The following ADCY2 variants were observed in gnomAD, a reference collection of about 807,000 sequenced individuals.
The protein encoded by ADCY2 is adenylate cyclase type 2.
In ADCY2, 31 loss-of-function variants were observed where a neutral mutation model predicts 125.2. That is an observed-to-expected ratio of 0.25 (90% CI 0.19 to 0.33). The LOEUF (loss-of-function observed/expected upper bound fraction) is 0.33, where lower values mean the gene tolerates loss of function less well. Among genes scored for constraint, ADCY2 ranks in the 10% least tolerant of loss-of-function variants. The pLI is 1.00. For synonymous variants in ADCY2, 512 were observed against 548.4 expected (o/e 0.93, Z 0.93); for missense variants, 904 against 1,418.2 (o/e 0.64, Z 5.82).
intron 3 of ADCY2, among the ~76,000 whole-genome samples, chr5:7,620,823 G>A (rs1206272277): frequency 6.6e-6 from 1 of 151,710 alleles, no homozygotes; most frequent in Non-Finnish European, 1.5e-5. Context: ...TTTATGATCT[G>A]CTTTGTTTTA....
At chr5:7,784,664 G>C (rs1290207332) in intron 19 of ADCY2, among the ~76,000 whole-genome samples, 1 of 151,750 alleles carries the variant, frequency 6.6e-6, no homozygotes, top group Non-Finnish European at 1.5e-5. Flanking sequence ...AAAGGCAAAT[G>C]TTATGAATGG....
chr5:7,618,938 C>T (rs1323660156), intron 3 of ADCY2, among the ~76,000 whole-genome samples: 1 of 152,202 alleles, frequency 6.6e-6, no homozygotes, highest in East Asian at 1.9e-4. Flanking sequence ...AAAAATGTGT[C>T]CTCCTGTTGT....
chr5:7,621,693 A>C (rs1039591682), intron 3 of ADCY2, among the ~76,000 whole-genome samples: 1 of 152,244 alleles, frequency 6.6e-6, no homozygotes, highest in African/African-American at 2.4e-5. Flanking sequence ...TATGGTGGTC[A>C]TTATGAAAGG....
intron 2 of ADCY2, among the ~76,000 whole-genome samples, chr5:7,469,473 T>C (rs1484841403): frequency 6.6e-6 from 1 of 151,962 alleles, no homozygotes; most frequent in Non-Finnish European, 1.5e-5. Context: ...AGTCTTTCTC[T>C]AAACCTGCCT....
intron 3 of ADCY2, among the ~76,000 whole-genome samples, chr5:7,523,818 C>T (rs1405058069): frequency 1.3e-5 from 2 of 152,170 alleles, no homozygotes; most frequent in African/African-American, 4.8e-5. Context: ...AATAAGGATA[C>T]TGGCCTGATA....
At chr5:7,561,521 G>A (rs551501548) in intron 3 of ADCY2, among the ~76,000 whole-genome samples, 1 of 145,520 alleles carries the variant, frequency 6.9e-6, no homozygotes, top group East Asian at 1.9e-4. Context: ...ATTTGTCATT[G>A]ATTGAAACTT....
At position 7,515,009 on chromosome 5, in the gene ADCY2, A is replaced by T. The variant is rs1476877419; in HGVS notation, c.409-5729A>T. ...AAGAAGCTAATGCACTTGACACATGATCTGAAGAAGCCATGAAATCATTGG... is the reference window on the plus strand; with the variant it reads ...AAGAAGCTAATGCACTTGACACATGTTCTGAAGAAGCCATGAAATCATTGG... On this transcript the variant is annotated intron_variant, in intron 2 of 24. Transcript: ENST00000338316. 2.6e-5 allele frequency among the ~76,000 whole-genome samples: 4 copies of T among 152,344 alleles called. No homozygotes were observed. The East Asian group carries it at 7.7e-4, about 29-fold the overall frequency.
intron 2 of ADCY2, among the ~76,000 whole-genome samples, chr5:7,436,925 A>G (rs1010292814): frequency 8.5e-5 from 13 of 152,110 alleles, no homozygotes; most frequent in African/African-American, 3.1e-4. Context: ...CACCTTCCCC[A>G]TGCTGAGTGG....
At chr5:7,632,584 TG>T (rs1348661037) in intron 4 of ADCY2, among the ~76,000 whole-genome samples, 2 of 151,648 alleles carry the variant, frequency 1.3e-5, no homozygotes, top group African/African-American at 2.4e-5. Context: ...ACTTGAAAAC[TG>T]AAAAAAAAAT....
intron 15 of ADCY2, among the ~76,000 whole-genome samples, chr5:7,751,572 G>A (rs1186970534): frequency 2.0e-5 from 3 of 152,094 alleles, no homozygotes; most frequent in African/African-American, 7.2e-5. Flanking sequence ...TTATGAATCA[G>A]GTAATGTGAT....
At chr5:7,550,557 C>T (rs1561088547) in intron 3 of ADCY2, among the ~76,000 whole-genome samples, 1 of 152,140 alleles carries the variant, frequency 6.6e-6, no homozygotes, top group Admixed American at 6.5e-5. Flanking sequence ...TTGTCAGGAC[C>T]CCATGAAATG....
intron 19 of ADCY2, among the ~76,000 whole-genome samples, chr5:7,785,561 C>T (rs1050632000): frequency 1.3e-5 from 2 of 150,608 alleles, no homozygotes; most frequent in African/African-American, 2.4e-5. Flanking sequence ...GTTCTTTTTC[C>T]CTGGTTTCTC....
chr5:7,727,407 C>T, intron 14 of ADCY2, 146 bp downstream of exon 14: 6 of 649,160 alleles, frequency 9.2e-6, no homozygotes, highest in South Asian at 4.2e-5. Flanking sequence ...CCCAGGACCT[C>T]GGAGGTTAAG....
intron 2 of ADCY2, among the ~76,000 whole-genome samples, chr5:7,463,757 C>T (rs188020806): frequency 4.0e-5 from 6 of 151,466 alleles, no homozygotes; most frequent in African/African-American, 7.3e-5. Context: ...GTGGTTGAAA[C>T]GAGAAAGAGA....
At chr5:7,743,444 G>T (rs1742502666) in intron 14 of ADCY2, among the ~76,000 whole-genome samples, 1 of 152,042 alleles carries the variant, frequency 6.6e-6, no homozygotes, top group Non-Finnish European at 1.5e-5. Context: ...TGCTTCTGAG[G>T]CAGTTTTATT....
intron 4 of ADCY2, among the ~76,000 whole-genome samples, chr5:7,636,802 A>G (rs556585896): frequency 3.3e-4 from 51 of 152,276 alleles, no homozygotes; most frequent in African/African-American, 1.1e-3. Context: ...CTGGTCTTGA[A>G]CAAATGGTGG....
chr5:7,647,793 ACT>A (rs1185374622), intron 4 of ADCY2, among the ~76,000 whole-genome samples: 1 of 152,144 alleles, frequency 6.6e-6, no homozygotes, highest in East Asian at 1.9e-4. Flanking sequence ...ATCTACAAAG[ACT>A]CATCAATCCT....
chr5:7,724,328 C>T (rs1741866457), intron 12 of ADCY2, among the ~76,000 whole-genome samples: 2 of 151,214 alleles, frequency 1.3e-5, no homozygotes, highest in African/African-American at 4.9e-5. Flanking sequence ...CCAAGGAGGG[C>T]AGTGTGTGAT....
intron 22 of ADCY2, among the ~76,000 whole-genome samples, chr5:7,810,864 G>A (rs186348086): frequency 2.0e-4 from 30 of 152,270 alleles, no homozygotes; most frequent in African/African-American, 6.0e-4. Context: ...CTTTTCAGAT[G>A]TGGAAATCTG....
Sources: gnomAD v4.1 joint callset for allele counts (sites outside exome capture counted in the v4.1 genomes callset) on GRCh38, gnomAD v4.1.1 for gene constraint, MANE v1.5 for transcripts, NCBI Gene and HGNC (gene_info 2026-07-23, HGNC 2026-07-21) for gene names.